The following SOS1 variants were observed in gnomAD, a reference collection of about 807,000 sequenced individuals.
SOS1 encodes SOS Ras/Rac guanine nucleotide exchange factor 1.
A neutral mutation model predicts 157.6 loss-of-function variants in SOS1; 25 were observed. The ratio of observed to expected loss-of-function variants is 0.16; its 90% CI spans 0.12 to 0.22. The LOEUF is 0.22. SOS1 is among the 10% of genes least tolerant of loss of function. SOS1 has a pLI of 1.00. For synonymous variants in SOS1, 528 were observed against 534.0 expected (o/e 0.99, Z 0.16); for missense variants, 1,237 against 1,599.1 (o/e 0.77, Z 3.86).
chr2:39,010,896 C>CTTTT lies in SOS1; in HGVS notation c.2391-197_2391-194dup, dbSNP rs72504369. Reference sequence around the variant, plus strand: ...TATTTCCTTATGGATTTTTTTTAAACTTTTTTTTTTTTTTTTGAGATGGAG... The same window carrying CTTTT: ...TATTTCCTTATGGATTTTTTTTAAACTTTTTTTTTTTTTTTTTTTTGAGATGGAG... On this transcript the variant is annotated intron_variant, in intron 14 of 22. Transcript: ENST00000402219. Among the ~76,000 whole-genome samples the CTTTT allele has an allele frequency of 1.6e-4, 21 of 132,900 alleles. 6 individuals carry two copies. The highest frequency in any genetic ancestry group is 4.4e-4 in the South Asian group (2 of 4,530). 87.2% of individuals were successfully genotyped at this position (132,900 alleles called of 152,430 possible). A position where few individuals can be genotyped will look rare whatever the true frequency, so the allele number is the denominator to read the frequency against.
intron 1 of SOS1, among the ~76,000 whole-genome samples, chr2:39,105,337 G>C (rs1673129141): frequency 6.6e-6 from 1 of 151,130 alleles, no homozygotes; most frequent in Admixed American, 6.6e-5. Context: ...TGTTGCCCAG[G>C]CTGTCTCAAA....
At chr2:39,086,819 C>CTT (rs997795576) in intron 1 of SOS1, among the ~76,000 whole-genome samples, 1 of 147,462 alleles carries the variant, frequency 6.8e-6, no homozygotes, top group Non-Finnish European at 1.5e-5. Flanking sequence ...CGTTGTTGTT[C>CTT]TTTTTTTTTT....
chr2:39,096,145 C>G (rs1006362506), intron 1 of SOS1, among the ~76,000 whole-genome samples: 1 of 152,182 alleles, frequency 6.6e-6, no homozygotes, highest in African/African-American at 2.4e-5. Flanking sequence ...ATAACCTAGA[C>G]AGGGGAAAGC....
rs750632742 is a variant in SOS1, at chr2:38,989,320, A to G, written c.3347-6T>C. ...GATAAAGACGGTATCATTGCCTGTGAAAGGAAACAAGAAAAAGTAGATTTT... is the reference window on the plus strand; with the variant it reads ...GATAAAGACGGTATCATTGCCTGTGGAAGGAAACAAGAAAAAGTAGATTTT... On this transcript the variant is annotated splice_polypyrimidine_tract_variant and splice_region_variant and intron_variant, in intron 20 of 22. Transcript: ENST00000402219. The G allele has an allele frequency of 3.1e-6, 5 of 1,598,114 alleles. No homozygotes were observed. In the South Asian group the frequency reaches 4.4e-5, roughly 14 times the overall value.
At chr2:39,108,895 TA>T (rs57642192) in intron 1 of SOS1, among the ~76,000 whole-genome samples, 22,412 of 144,956 alleles carry the variant, frequency 0.15, 2,543 homozygotes, top group African/African-American at 0.32. Context: ...CTGGTGTCTT[TA>T]AAAAAAAAAA....
chr2:39,099,880 G>C (rs922229781), intron 1 of SOS1, among the ~76,000 whole-genome samples: 1 of 151,780 alleles, frequency 6.6e-6, no homozygotes, highest in Non-Finnish European at 1.5e-5. Flanking sequence ...CCGGGATTAC[G>C]GGCCCTGCTA....
At chr2:39,112,655 T>C (rs1673483927) in intron 1 of SOS1, among the ~76,000 whole-genome samples, 1 of 152,306 alleles carries the variant, frequency 6.6e-6, no homozygotes, top group Middle Eastern at 3.4e-3. Context: ...CAGCAGCAAT[T>C]CCCAGACTTC....
chr2:39,011,672 T>C (rs541417462), intron 14 of SOS1, among the ~76,000 whole-genome samples: 2 of 152,312 alleles, frequency 1.3e-5, no homozygotes, highest in South Asian at 4.1e-4. Flanking sequence ...AAAAAGACTA[T>C]AATGGCTGTA....
chr2:39,016,217 A>C (rs1271098419), intron 10 of SOS1, among the ~76,000 whole-genome samples: 1 of 152,070 alleles, frequency 6.6e-6, no homozygotes, highest in Non-Finnish European at 1.5e-5. Flanking sequence ...ATATCAGACA[A>C]CCTTGAATTC....
chr2:38,988,027 A>G (rs1228989592), intron 21 of SOS1, among the ~76,000 whole-genome samples: 1 of 152,048 alleles, frequency 6.6e-6, no homozygotes, highest in Non-Finnish European at 1.5e-5. Flanking sequence ...CCCTGGGAGT[A>G]GAGTGTGTGC....
At chr2:39,088,676 T>C (rs1284914244) in intron 1 of SOS1, among the ~76,000 whole-genome samples, 4 of 152,244 alleles carry the variant, frequency 2.6e-5, no homozygotes, top group Admixed American at 6.5e-5. Flanking sequence ...TAGGGCTGAA[T>C]AGTATTCTAT....
At chr2:39,094,653 AAAT>A (rs1672708886) in intron 1 of SOS1, among the ~76,000 whole-genome samples, 1 of 4,550 alleles carries the variant, frequency 2.2e-4, no homozygotes, top group East Asian at 6.3e-3. Flanking sequence ...ACTCGGTCTC[AAAT>A]AAATAAATAA....
At chr2:39,066,508 C>G (rs1671593635) in intron 2 of SOS1, among the ~76,000 whole-genome samples, 1 of 152,234 alleles carries the variant, frequency 6.6e-6, no homozygotes, top group South Asian at 2.1e-4. Context: ...ACTTTCGACT[C>G]CTTCCGAACT....
At chr2:39,113,558 T>C (rs1405618573) in intron 1 of SOS1, among the ~76,000 whole-genome samples, 1 of 151,856 alleles carries the variant, frequency 6.6e-6, no homozygotes, top group African/African-American at 2.4e-5. Flanking sequence ...TAAAATAATT[T>C]TAAAAATAAA....
At position 38,985,625 on chromosome 2, in the gene SOS1, T is replaced by C. The variant is rs1012032608; in HGVS notation, c.*199A>G. ...TGTCCAATTCCTCTAGGTCGGTCTT[T>C]CCATATTCTAAACTGGAATACCATT... On this transcript the variant is annotated 3_prime_UTR_variant, in exon 23 of 23. Transcript: ENST00000402219. 5 of 642,948 alleles carry C rather than the reference T, an allele frequency of 7.8e-6. No individual in the cohort carries two copies. The highest frequency in any genetic ancestry group is 3.1e-5 in the East Asian group (1 of 32,628). The allele number at this position is 642,948 out of a possible 1,614,324, so 39.8% of individuals were successfully genotyped here. A position where few individuals can be genotyped will look rare whatever the true frequency, so the allele number is the denominator to read the frequency against.
At chr2:39,115,288 G>C (rs932527378) in intron 1 of SOS1, among the ~76,000 whole-genome samples, 1 of 151,728 alleles carries the variant, frequency 6.6e-6, no homozygotes, top group Non-Finnish European at 1.5e-5. Flanking sequence ...GCACCTTCTA[G>C]AATGTTCTAT....
At chr2:39,010,809 T>C (rs1669440355) in intron 14 of SOS1, 106 bp from the exon 15 acceptor site, 1 of 874,238 alleles carries the variant, frequency 1.1e-6, no homozygotes, top group South Asian at 1.4e-5. Context: ...ATATGAACTT[T>C]CCTCTTATAC....
chr2:39,016,927 C>A (rs1184589845), intron 10 of SOS1, among the ~76,000 whole-genome samples: 1 of 152,074 alleles, frequency 6.6e-6, no homozygotes. Flanking sequence ...TCTAAACAGA[C>A]TTTTCATCTT....
intron 6 of SOS1, 39 bp downstream of exon 6, chr2:39,051,101 GGCTT>G: frequency 6.3e-7 from 1 of 1,589,068 alleles, no homozygotes; most frequent in Non-Finnish European, 8.6e-7. Context: ...TGTAAATGTA[GGCTT>G]TTATGCAGAC....
Sources: gnomAD v4.1 joint callset for allele counts (sites outside exome capture counted in the v4.1 genomes callset) on GRCh38, gnomAD v4.1.1 for gene constraint, MANE v1.5 for transcripts, NCBI Gene and HGNC (gene_info 2026-07-23, HGNC 2026-07-21) for gene names.